Variants in CSMD3 observed in about 807,000 individuals in gnomAD.
CSMD3 encodes CUB and Sushi multiple domains 3.
CSMD3 carries 177 observed loss-of-function variants against 435.2 expected under a neutral mutation model. The ratio of observed to expected loss-of-function variants is 0.41; its 90% CI spans 0.36 to 0.46. CSMD3 has a LOEUF of 0.46. Among genes scored for constraint, CSMD3 ranks in the 20% least tolerant of loss-of-function variants. The pLI, the probability that CSMD3 is intolerant of heterozygous loss-of-function variation, is 0.34. For missense variants in CSMD3, 4,265 were observed against 4,504.6 expected (o/e 0.95, Z 1.52); for synonymous variants, 1,656 against 1,520.5 (o/e 1.09, Z -2.07).
chr8:113,203,407 A>C lies in CSMD3; in HGVS notation c.515-29491T>G, dbSNP rs1444957494. ...CCTCCACCATGGACCTCTTGGGCTC[A>C]AATGACCCTCTTGCCTGAGCCACCA... On this transcript the variant is annotated intron_variant, in intron 3 of 70. Coordinates refer to ENST00000297405, the MANE Select transcript of CSMD3 (RefSeq NM_198123.2). Among the ~76,000 whole-genome samples, 3 of 151,896 alleles carry C rather than the reference A, an allele frequency of 2.0e-5. No homozygotes were observed. In the East Asian group the frequency reaches 5.8e-4, roughly 29 times the overall value.
At chr8:113,315,997 G>T (rs948823357) in intron 1 of CSMD3, among the ~76,000 whole-genome samples, 1 of 152,062 alleles carries the variant, frequency 6.6e-6, no homozygotes, top group African/African-American at 2.4e-5. Flanking sequence ...GAGATTACAG[G>T]CGTGAGCCAC....
intron 2 of CSMD3, among the ~76,000 whole-genome samples, chr8:113,299,504 T>C (rs2093747580): frequency 6.6e-6 from 1 of 152,108 alleles, no homozygotes; most frequent in Non-Finnish European, 1.5e-5. Context: ...TTTGAAGGCA[T>C]ATCAAAAGCA....
intron 4 of CSMD3, among the ~76,000 whole-genome samples, chr8:113,117,038 C>T (rs559382316): frequency 6.6e-6 from 1 of 152,180 alleles, no homozygotes; most frequent in South Asian, 2.1e-4. Context: ...AAAGAAAGAC[C>T]CATTTTCTGA....
chr8:112,840,752 G>C (rs1228130668), intron 11 of CSMD3, among the ~76,000 whole-genome samples: 1 of 151,578 alleles, frequency 6.6e-6, no homozygotes, highest in Non-Finnish European at 1.5e-5. Flanking sequence ...CTATACTACT[G>C]TTTCCTATTT....
At chr8:113,037,169 A>G (rs2087390616) in intron 5 of CSMD3, among the ~76,000 whole-genome samples, 1 of 152,114 alleles carries the variant, frequency 6.6e-6, no homozygotes, top group Admixed American at 6.6e-5. Flanking sequence ...TTATTCTAAG[A>G]GAAGGGAGCA....
rs77326226 is a variant in CSMD3, at chr8:113,062,659, T to C, written c.917+36097A>G. Among the ~76,000 whole-genome samples, 7 of 151,908 alleles carry C rather than the reference T, an allele frequency of 4.6e-5. No homozygotes were observed. In the East Asian group the frequency reaches 1.2e-3, roughly 25 times the overall value. On this transcript the variant is annotated intron_variant, in intron 5 of 70. Transcript: ENST00000297405. Reference sequence around the variant, plus strand: ...GAAAAGGCTGGTCAAATGAACCATATCATTAAAATATTACATATTTACTTT... The same window carrying C: ...GAAAAGGCTGGTCAAATGAACCATACCATTAAAATATTACATATTTACTTT...
chr8:112,496,238 G>C (rs959571813), intron 30 of CSMD3, among the ~76,000 whole-genome samples: 1 of 152,112 alleles, frequency 6.6e-6, no homozygotes, highest in African/African-American at 2.4e-5. Flanking sequence ...CAAAGTGCTG[G>C]AAATATAGGC....
chr8:113,131,598 A>G (rs1274471801), intron 4 of CSMD3, among the ~76,000 whole-genome samples: 1 of 152,128 alleles, frequency 6.6e-6, no homozygotes. Flanking sequence ...AGTCTGCTGC[A>G]GGGGCAGAGA....
intron 5 of CSMD3, among the ~76,000 whole-genome samples, chr8:113,036,616 T>C (rs943598342): frequency 3.9e-5 from 6 of 152,056 alleles, no homozygotes; most frequent in Admixed American, 6.6e-5. Flanking sequence ...AAAGGTGCAA[T>C]TCAATCCCAC....
chr8:113,284,982 G>C (rs1252765338), intron 2 of CSMD3, among the ~76,000 whole-genome samples: 1 of 152,140 alleles, frequency 6.6e-6, no homozygotes, highest in African/African-American at 2.4e-5. Flanking sequence ...TAGGCAGGTA[G>C]TGGAGCAAAG....
chr8:112,776,726 T>C (rs1260321097), intron 13 of CSMD3, among the ~76,000 whole-genome samples: 1 of 151,756 alleles, frequency 6.6e-6, no homozygotes, highest in Non-Finnish European at 1.5e-5. Flanking sequence ...TTTTTAAAAT[T>C]GTCTTTTAGT....
At chr8:112,703,145 G>A (rs982823458) in intron 13 of CSMD3, among the ~76,000 whole-genome samples, 1 of 152,158 alleles carries the variant, frequency 6.6e-6, no homozygotes, top group Non-Finnish European at 1.5e-5. Flanking sequence ...TGCCTCCACT[G>A]TCAGCTAAAT....
intron 23 of CSMD3, among the ~76,000 whole-genome samples, chr8:112,577,513 C>T (rs10110890): frequency 0.4 from 60,815 of 151,678 alleles, 13,189 homozygotes; most frequent in East Asian, 0.58. Context: ...GCATAATATC[C>T]CCTTTCTTTT....
chr8:112,923,227 T>C (rs367815428), intron 9 of CSMD3, among the ~76,000 whole-genome samples: 2 of 152,122 alleles, frequency 1.3e-5, no homozygotes, highest in Non-Finnish European at 2.9e-5. Context: ...TTAAATAGTA[T>C]CCAGAGCAAA....
intron 2 of CSMD3, among the ~76,000 whole-genome samples, chr8:113,304,261 A>G (rs1394539595): frequency 1.7e-5 from 1 of 58,036 alleles, no homozygotes; most frequent in Non-Finnish European, 3.1e-5. Context: ...AAGTCAGGAA[A>G]CAACAGGTGC....
chr8:112,469,880 A>G (rs1818351174), intron 32 of CSMD3, among the ~76,000 whole-genome samples: 1 of 152,240 alleles, frequency 6.6e-6, no homozygotes, highest in Non-Finnish European at 1.5e-5. Flanking sequence ...TTTGGGATAA[A>G]TGACAGAAAA....
chr8:112,548,741 T>C (rs1211576616), intron 27 of CSMD3, among the ~76,000 whole-genome samples: 1 of 152,146 alleles, frequency 6.6e-6, no homozygotes, highest in Non-Finnish European at 1.5e-5. Context: ...TGTAAGCACA[T>C]GTTTTAGAAA....
intron 3 of CSMD3, among the ~76,000 whole-genome samples, chr8:113,255,884 A>C (rs1229107848): frequency 1.3e-5 from 2 of 151,986 alleles, no homozygotes; most frequent in Non-Finnish European, 2.9e-5. Context: ...TTGATTTTAT[A>C]CTTTTGCTAT....
At chr8:112,960,215 G>A (rs1173013741) in intron 7 of CSMD3, among the ~76,000 whole-genome samples, 1 of 150,798 alleles carries the variant, frequency 6.6e-6, no homozygotes, top group Admixed American at 6.6e-5. Flanking sequence ...TGTACTGGCT[G>A]AACAAAACAC....
Sources: allele counts gnomAD v4.1 joint callset (sites outside exome capture counted in the v4.1 genomes callset), GRCh38; gene constraint gnomAD v4.1.1; transcripts MANE v1.5; gene names NCBI Gene and HGNC (gene_info 2026-07-23, HGNC 2026-07-21).